The following ZNF81 variants were observed in gnomAD, a reference collection of about 807,000 sequenced individuals.
ZNF81 encodes zinc finger protein 81, also known as zinc finger protein 81 (HFZ20).
In ZNF81, 5 loss-of-function variants were observed where a neutral mutation model predicts 32.3. The observed-to-expected ratio is 0.15, with a 90% CI of 0.08 to 0.33. The LOEUF is 0.33. Ranked by LOEUF, ZNF81 falls within the 10% of genes least tolerant of loss-of-function variation. ZNF81 has a pLI of 1.00. For missense variants in ZNF81, 379 were observed against 479.8 expected (o/e 0.79, Z 1.96); for synonymous variants, 163 against 166.8 (o/e 0.98, Z 0.17).
intron 1 of ZNF81, chrX:47,841,808 G>T: frequency 5.5e-6 from 2 of 366,821 alleles, no homozygotes; most frequent in Non-Finnish European, 9.3e-6. Flanking sequence ...TTTTTCTATT[G>T]TTTTTCTGTT....
intron 2 of ZNF81, among the ~76,000 whole-genome samples, chrX:47,887,383 G>A (rs189236968): frequency 8.9e-6 from 1 of 111,882 alleles, no homozygotes; most frequent in Non-Finnish European, 1.9e-5. Context: ...AAACAAATCA[G>A]TGATGCAACA....
intron 2 of ZNF81, among the ~76,000 whole-genome samples, chrX:47,846,641 A>G (rs1172079575): frequency 1.8e-5 from 2 of 111,781 alleles, no homozygotes; most frequent in Non-Finnish European, 3.8e-5. Context: ...TTCATTTACA[A>G]GTGGTAAAGG....
intron 2 of ZNF81, among the ~76,000 whole-genome samples, chrX:47,877,650 C>T (rs1486426960): frequency 3.6e-5 from 4 of 111,796 alleles, no homozygotes; most frequent in Non-Finnish European, 7.5e-5. Context: ...CTGGTCATGC[C>T]CACTGGTGAA....
chrX:47,886,526 G>A (rs188173526), intron 2 of ZNF81, among the ~76,000 whole-genome samples: 1 of 110,098 alleles, frequency 9.1e-6, no homozygotes, highest in East Asian at 2.8e-4. Context: ...TCCAATGGTA[G>A]TGATGACTGC....
intron 2 of ZNF81, among the ~76,000 whole-genome samples, chrX:47,855,660 A>G (rs2058513723): frequency 9.0e-6 from 1 of 111,585 alleles, no homozygotes; most frequent in South Asian, 3.7e-4. Flanking sequence ...CAAATTTAAA[A>G]ATAATTATAT....
rs151198630 is a variant in ZNF81, at chrX:47,873,277, C to T, written c.55-14722C>T. Among the ~76,000 whole-genome samples, 180 of 112,064 alleles carry T rather than the reference C, an allele frequency of 1.6e-3. 1 individual carries two copies. In the East Asian group the frequency reaches 0.036, roughly 22 times the overall value. ...CAGCCTGTATTAACCTGTCACCAGA[C>T]GGCAAGTGAGAAATTTGAGGCAGTT... On this transcript the variant is annotated intron_variant, in intron 2 of 4. Transcript: ENST00000338637.
At chrX:47,842,169 A>G (rs1284743946) in intron 1 of ZNF81, among the ~76,000 whole-genome samples, 2 of 112,026 alleles carry the variant, frequency 1.8e-5, no homozygotes, top group Non-Finnish European at 3.8e-5. Context: ...ATCAGAGAAC[A>G]TACTCTGTAC....
At position 47,887,999 on chromosome X, in the gene ZNF81, G is replaced by A. The variant is rs1556886003; in HGVS notation, c.55G>A (p.Val19Ile). ...QPGEHGSACEVSVSFEDVTVD... is the reference protein window; with the variant it reads ...QPGEHGSACEISVSFEDVTVD... ...CTTGAACAAGATTGTGTTGTTACAG[G>A]TATCAGTGTCATTTGAGGATGTGAC... Residue 19 changes from valine (V) to isoleucine (I), a missense_variant and splice_region_variant, in exon 3 of 5, where the codon GTA (valine) becomes ATA (isoleucine). By Grantham distance (29) the Val-to-Ile change is conservative. Transcript: ENST00000338637. 1.1e-5 allele frequency: 13 copies of A among 1,211,263 alleles called. 1 individual carries two copies. The South Asian group carries it at 2.1e-4, about 20-fold the overall frequency.
At chrX:47,837,057 CTTGAG>C (rs1349096482) in intron 1 of ZNF81, 70 bp downstream of exon 1, 4 of 143,668 alleles carry the variant, frequency 2.8e-5, no homozygotes, top group Admixed American at 1.5e-4. Context: ...GTTTATCTAA[CTTGAG>C]TTGGATGATT....
rs1556891723 is a variant in ZNF81, at chrX:47,920,392, T to C, written c.*3760T>C. The C allele has an allele frequency of 9.0e-6, 1 of 110,664 alleles. No homozygotes were observed. The highest frequency in any genetic ancestry group is 3.3e-5 in the African/African-American group (1 of 30,384). The allele number at this position is 110,664 out of a possible 1,213,427, so 9.1% of individuals were successfully genotyped here. A position where few individuals can be genotyped will look rare whatever the true frequency, so the allele number is the denominator to read the frequency against. ...AGGGGTTGTCTTGGGCCAGCCTCAG[T>C]TTTTGTCAGGCCATGAATCCCTGGG... is the stretch of plus-strand genomic sequence containing the variant. On this transcript the variant is annotated 3_prime_UTR_variant, in exon 5 of 5. Transcript: ENST00000338637.
intron 2 of ZNF81, among the ~76,000 whole-genome samples, chrX:47,852,328 A>G (rs1556881320): frequency 8.9e-6 from 1 of 111,954 alleles, no homozygotes; most frequent in African/African-American, 3.2e-5. Context: ...AAATAAGACA[A>G]CAATGAAGTT....
chrX:47,916,517 AT>A lies in ZNF81; in HGVS notation c.1874del (p.Phe625SerfsTer44). ...GGGAAAGCCTTCACTGATAGGTCAA[AT>A]TTCAATAAACATCAGACAATTCATA... Reference protein sequence around the residue: ...ECGKAFTDRSNFNKHQTIHTG... With the variant: ...ECGKAFTDRSXFNKHQTIHTG... On this transcript the variant is annotated frameshift_variant, in exon 5 of 5. Coordinates refer to ENST00000338637, the MANE Select transcript of ZNF81 (RefSeq NM_007137.5). LOFTEE classifies it high-confidence loss of function. 1 of 1,209,903 alleles carries A rather than the reference AT, an allele frequency of 8.3e-7. No homozygotes were observed. Among genetic ancestry groups the A allele is most frequent in the Non-Finnish European group, 1.1e-6 (1 of 894,474 alleles).
chrX:47,892,741 C>T (rs1297496861), intron 3 of ZNF81, among the ~76,000 whole-genome samples: 1 of 113,007 alleles, frequency 8.8e-6, no homozygotes, highest in Non-Finnish European at 1.9e-5. Flanking sequence ...AATGTATAGT[C>T]TTTAGATTTG....
At chrX:47,905,422 A>AC (rs1330148087) in intron 4 of ZNF81, among the ~76,000 whole-genome samples, 24 of 106,485 alleles carry the variant, frequency 2.3e-4, no homozygotes, top group Admixed American at 1.9e-3. Context: ...AAAAAAAAAA[A>AC]AAAAAAAAAA....
chrX:47,901,046 C>T (rs1209137408), intron 4 of ZNF81, among the ~76,000 whole-genome samples: 4 of 111,253 alleles, frequency 3.6e-5, no homozygotes, highest in East Asian at 2.8e-4. Flanking sequence ...GAACTCACTA[C>T]GTGCTAGTCA....
chrX:47,881,778 T>C (rs2058621679), intron 2 of ZNF81, among the ~76,000 whole-genome samples: 1 of 110,833 alleles, frequency 9.0e-6, no homozygotes, highest in Non-Finnish European at 1.9e-5. Flanking sequence ...ATTTATTTTA[T>C]TTTATTTTAT....
chrX:47,875,115 C>T (rs1335603934), intron 2 of ZNF81, among the ~76,000 whole-genome samples: 3 of 110,915 alleles, frequency 2.7e-5, no homozygotes, highest in African/African-American at 9.9e-5. Context: ...ATAAAGAGGT[C>T]GATGCAAGGG....
At chrX:47,892,107 C>G (rs1393151660) in intron 3 of ZNF81, among the ~76,000 whole-genome samples, 1 of 111,648 alleles carries the variant, frequency 9.0e-6, no homozygotes, top group Admixed American at 9.5e-5. Context: ...TGTAGACTGC[C>G]TATCTGTTTC....
chrX:47,856,446 A>G (rs1556881901), intron 2 of ZNF81, among the ~76,000 whole-genome samples: 2 of 111,646 alleles, frequency 1.8e-5, no homozygotes, highest in Admixed American at 1.9e-4. Context: ...ATTAAGGGGG[A>G]AAACACCAAA....
Sources: allele counts gnomAD v4.1 joint callset (sites outside exome capture counted in the v4.1 genomes callset), GRCh38; gene constraint gnomAD v4.1.1; transcripts MANE v1.5; gene names NCBI Gene and HGNC (gene_info 2026-07-23, HGNC 2026-07-21).